Variants in EPHB2 observed in about 807,000 individuals in gnomAD.
The protein encoded by EPHB2 is ephrin type-B receptor 2.
EPHB2 carries 18 observed loss-of-function variants against 96.4 expected under a neutral mutation model. The observed-to-expected ratio is 0.19, with a 90% CI of 0.13 to 0.28. The LOEUF (loss-of-function observed/expected upper bound fraction) is 0.28. Ranked by LOEUF, EPHB2 falls within the 10% of genes least tolerant of loss-of-function variation. The pLI is 1.00. For missense variants in EPHB2, 989 were observed against 1,355.4 expected, an observed-to-expected ratio of 0.73 and a Z score of 4.25; for synonymous variants, 506 against 534.1, an observed-to-expected ratio of 0.95 and a Z score of 0.72.
Position 22,712,021 on chromosome 1 carries a change from T to C in EPHB2, c.61+978T>C, listed in dbSNP as rs141946918. Among the ~76,000 whole-genome samples, 631 of 152,352 alleles carry C rather than the reference T, an allele frequency of 4.1e-3. 5 individuals are homozygous for C. The highest frequency in any genetic ancestry group is 0.014 in the African/African-American group (600 of 41,576). ...AATGGTTCTCACGTGTACTGCACTT[T>C]ACAGTTTTCAAACCACTTTACAGTT... On this transcript the variant is annotated intron_variant, in intron 1 of 15. Transcript: ENST00000374630.
At chr1:22,794,015 G>A (rs933750473) in intron 3 of EPHB2, among the ~76,000 whole-genome samples, 1 of 152,168 alleles carries the variant, frequency 6.6e-6, no homozygotes, top group Non-Finnish European at 1.5e-5. Flanking sequence ...TGGTCATTGA[G>A]TCCCAATCCT....
chr1:22,878,703 G>A (rs750424151), intron 5 of EPHB2, among the ~76,000 whole-genome samples: 4 of 152,242 alleles, frequency 2.6e-5, no homozygotes, highest in African/African-American at 9.6e-5. Context: ...AAGGCCACAC[G>A]TGAGTGAGTG....
chr1:22,864,471 C>G lies in EPHB2; in HGVS notation c.968-406C>G, dbSNP rs550508709. On this transcript the variant is annotated intron_variant, in intron 4 of 15. Coordinates refer to ENST00000374630, the MANE Select transcript of EPHB2 (RefSeq NM_017449.5). ...AGCTGTCTGTCTCTTTTTAAAGAAA[C>G]AGCCCTAGTCAACAACTTCTGCTCT... Among the ~76,000 whole-genome samples the G allele has an allele frequency of 5.3e-5, 8 of 152,292 alleles. No homozygotes were observed. In the East Asian group the frequency reaches 9.7e-4, roughly 18 times the overall value.
In EPHB2 at chr1:22,906,218, A is replaced by T. The variant is rs1178992597; in HGVS notation, c.1888+109A>T. On this transcript the variant is annotated intron_variant, in intron 10 of 15. Transcript: ENST00000374630. The surrounding 1 kb of genome is among the most constrained non-coding windows in gnomAD (Gnocchi z 4.8). ...GTAGGATGTGGGACAGGCGCCTCAA[A>T]GGACCCCCCAAGGCCTGAAGGTTCA... The T allele has an allele frequency of 5.2e-6, 8 of 1,544,306 alleles. No homozygotes were observed. Among genetic ancestry groups the T allele is most frequent in the Non-Finnish European group, 7.1e-6 (8 of 1,134,018 alleles).
intron 1 of EPHB2, among the ~76,000 whole-genome samples, chr1:22,736,572 G>A (rs901451210): frequency 2.6e-5 from 4 of 152,134 alleles, no homozygotes; most frequent in Non-Finnish European, 2.9e-5. Flanking sequence ...CCTGCAGGCC[G>A]CGGTCTGGTT....
chr1:22,798,141 T>G (rs1644793369), intron 3 of EPHB2, among the ~76,000 whole-genome samples: 1 of 152,204 alleles, frequency 6.6e-6, no homozygotes, highest in Admixed American at 6.5e-5. Context: ...TCTAGGATGG[T>G]GCTGAGCTCA....
chr1:22,876,970 G>C (rs956023184), intron 5 of EPHB2, among the ~76,000 whole-genome samples: 5 of 152,176 alleles, frequency 3.3e-5, no homozygotes, highest in Non-Finnish European at 5.9e-5. Context: ...CCAAGGCCGC[G>C]TGGGACCTGC....
rs1480938638 is a variant in EPHB2 at position 22,790,308 on chromosome 1, A to G, written c.811+5232A>G. Among the ~76,000 whole-genome samples, 1 of 151,990 alleles carries G rather than the reference A, an allele frequency of 6.6e-6. No individual in the cohort carries two copies. The highest frequency in any genetic ancestry group is 2.4e-5 in the African/African-American group (1 of 41,366). ...TATTCACCTGTTCATTTTTTATCGC[A>G]TGCCTAATCGGGGTCTACACTGGGC... On this transcript the variant is annotated intron_variant, in intron 3 of 15. Transcript: ENST00000374630. This position sits in a 1 kb window ranked among gnomAD's most constrained non-coding sequence, Gnocchi z 4.0.
chr1:22,751,482 G>A (rs576311899), intron 1 of EPHB2, among the ~76,000 whole-genome samples: 4 of 152,252 alleles, frequency 2.6e-5, no homozygotes, highest in South Asian at 4.1e-4. Flanking sequence ...TCTGTTGTAT[G>A]TCTTTACCTT....
chr1:22,864,338 T>A (rs901925359), intron 4 of EPHB2, among the ~76,000 whole-genome samples: 2 of 150,878 alleles, frequency 1.3e-5, no homozygotes, highest in African/African-American at 5.0e-5. Flanking sequence ...TAGCCACTGT[T>A]GTTTCTGTTC....
At chr1:22,814,392 T>G (rs1341924062) in intron 3 of EPHB2, among the ~76,000 whole-genome samples, 1 of 151,920 alleles carries the variant, frequency 6.6e-6, no homozygotes, top group Non-Finnish European at 1.5e-5. Context: ...CAGGGTGCAG[T>G]GGGAGCAGGA....
At chr1:22,877,732 T>G (rs1638891896) in intron 5 of EPHB2, among the ~76,000 whole-genome samples, 1 of 152,196 alleles carries the variant, frequency 6.6e-6, no homozygotes, top group South Asian at 2.1e-4. Context: ...CTGGCTCTAG[T>G]CCAGCTTTAC....
At chr1:22,792,503 G>C (rs1180209063) in intron 3 of EPHB2, among the ~76,000 whole-genome samples, 1 of 152,062 alleles carries the variant, frequency 6.6e-6, no homozygotes, top group Admixed American at 6.5e-5. Flanking sequence ...AGTGATTCAG[G>C]CCTTTGCTCT....
intron 3 of EPHB2, among the ~76,000 whole-genome samples, chr1:22,828,649 C>A (rs1027802549): frequency 1.3e-5 from 2 of 152,130 alleles, no homozygotes; most frequent in Non-Finnish European, 2.9e-5. Context: ...CCGCCTGTCA[C>A]GGCCACAGAA....
At chr1:22,838,907 G>A (rs373811342) in intron 3 of EPHB2, among the ~76,000 whole-genome samples, 130 of 152,014 alleles carry the variant, frequency 8.6e-4, no homozygotes, top group African/African-American at 3.1e-3. Flanking sequence ...CTCCAGCCTG[G>A]GCGACAGAGT....
chr1:22,857,101 C>T (rs1335808216), intron 3 of EPHB2, among the ~76,000 whole-genome samples: 1 of 152,210 alleles, frequency 6.6e-6, no homozygotes, highest in Non-Finnish European at 1.5e-5. Context: ...AAATCACGTG[C>T]CATGTAAGTC....
intron 3 of EPHB2, among the ~76,000 whole-genome samples, chr1:22,812,553 C>T (rs374568726): frequency 7.9e-5 from 12 of 152,096 alleles, no homozygotes; most frequent in African/African-American, 2.4e-4. Context: ...GAGAGCGAGA[C>T]GTTGCCTGTG....
chr1:22,798,022 A>C (rs1312902532), intron 3 of EPHB2, among the ~76,000 whole-genome samples: 3 of 152,098 alleles, frequency 2.0e-5, no homozygotes, highest in African/African-American at 7.2e-5. Context: ...CATCTGACGT[A>C]CTATGTATTT....
At chr1:22,814,719 T>G (rs943296115) in intron 3 of EPHB2, among the ~76,000 whole-genome samples, 1 of 152,138 alleles carries the variant, frequency 6.6e-6, no homozygotes, top group Non-Finnish European at 1.5e-5. Context: ...TGAGTGGGCC[T>G]GAGGTAGGGC....
Sources: gnomAD v4.1 joint callset for allele counts (sites outside exome capture counted in the v4.1 genomes callset) on GRCh38, gnomAD v4.1.1 for gene constraint, Gnocchi (gnomAD v3.1) non-coding constraint, MANE v1.5 for transcripts, NCBI Gene and HGNC (gene_info 2026-07-23, HGNC 2026-07-21) for gene names.